The following MYBPC2 variants were observed in gnomAD, a reference collection of about 807,000 sequenced individuals.
MYBPC2 encodes the protein myosin-binding protein C, fast-type.
A neutral mutation model predicts 137.0 loss-of-function variants in MYBPC2; 122 were observed. That is an observed-to-expected ratio of 0.89 (90% CI 0.77 to 1.03). MYBPC2 has a LOEUF of 1.03. Among genes scored for constraint, MYBPC2 ranks in the 50% least tolerant of loss-of-function variants. The pLI, the probability that MYBPC2 is intolerant of heterozygous loss-of-function variation, is 0.00. For synonymous variants in MYBPC2, 626 were observed against 612.3 expected (o/e 1.02, Z -0.33); for missense variants, 1,500 against 1,534.4 (o/e 0.98, Z 0.37).
chr19:50,452,152 T>TACCTGTGATGGA, intron 16 of MYBPC2, 149 bp downstream of exon 16: 2 of 906,106 alleles, frequency 2.2e-6, no homozygotes, highest in Non-Finnish European at 3.3e-6. Context: ...TGTTTGTCCA[T>TACCTGTGATGGA]CACAGGTATG....
chr19:50,435,473 T>C lies in MYBPC2; in HGVS notation c.109+223T>C, dbSNP rs1412883499. 6.6e-6 allele frequency among the ~76,000 whole-genome samples: 1 copy of C among 152,184 alleles called. No homozygotes were observed. Among genetic ancestry groups the C allele is most frequent in the African/African-American group, 2.4e-5 (1 of 41,452 alleles). On this transcript the variant is annotated intron_variant, in intron 2 of 27. Coordinates refer to ENST00000357701, the MANE Select transcript of MYBPC2 (RefSeq NM_004533.4). The surrounding 1 kb of genome is among the most constrained non-coding windows in gnomAD (Gnocchi z 4.8). ...CATCGGCTCCGGTCAGCTGGCTGATTGATCACCAGGTCCGGCCCCGGTCTC... is the reference window on the plus strand; with the variant it reads ...CATCGGCTCCGGTCAGCTGGCTGATCGATCACCAGGTCCGGCCCCGGTCTC...
intron 7 of MYBPC2, among the ~76,000 whole-genome samples, chr19:50,438,955 C>T (rs941123343): frequency 1.3e-5 from 2 of 152,114 alleles, no homozygotes; most frequent in African/African-American, 4.8e-5. Context: ...CATCAATCCC[C>T]ATAACTATAT....
At chr19:50,435,000 G>T (rs1167564449) in intron 1 of MYBPC2, among the ~76,000 whole-genome samples, 161 bp from the exon 2 acceptor site, 1 of 135,494 alleles carries the variant, frequency 7.4e-6, no homozygotes, top group Non-Finnish European at 1.5e-5. Flanking sequence ...AGGGAGGAGG[G>T]GCTGGGGGCC....
At position 50,452,196 on chromosome 19, in the gene MYBPC2, T is replaced by C. The variant is rs961253017; in HGVS notation, c.1749+193T>C. On this transcript the variant is annotated intron_variant, in intron 16 of 27. Transcript: ENST00000357701. ...ACATGGTGGATGCTCCATCCATTCATCCATTCACCTTTCAGTTAATTAATC... is the reference window on the plus strand; with the variant it reads ...ACATGGTGGATGCTCCATCCATTCACCCATTCACCTTTCAGTTAATTAATC... Among the ~76,000 whole-genome samples the C allele has an allele frequency of 2.0e-5, 3 of 152,230 alleles. No individual in the cohort carries two copies. In the East Asian group the frequency reaches 5.8e-4, roughly 29 times the overall value.
Position 50,461,778 on chromosome 19 carries a change from C to T in MYBPC2, c.3091+77C>T, listed in dbSNP as rs907880513. The T allele has an allele frequency of 6.9e-6, 11 of 1,595,170 alleles. No individual in the cohort carries two copies. The South Asian group carries it at 1.0e-4, about 15-fold the overall frequency. ...CAGGTCCCACCTGGACTCCTGCCCTCCCCTCCCCACTGGGGTTGACGGCAC... is the reference window on the plus strand; with the variant it reads ...CAGGTCCCACCTGGACTCCTGCCCTTCCCTCCCCACTGGGGTTGACGGCAC... On this transcript the variant is annotated intron_variant, in intron 25 of 27. Coordinates refer to ENST00000357701, the MANE Select transcript of MYBPC2 (RefSeq NM_004533.4).
chr19:50,464,390 T>C lies in MYBPC2; in HGVS notation c.3273T>C (p.Asp1091=), dbSNP rs763326649. 59 of 1,610,982 alleles carry C rather than the reference T, an allele frequency of 3.7e-5. No individual in the cohort carries two copies. The highest frequency in any genetic ancestry group is 4.8e-5 in the Non-Finnish European group (57 of 1,178,838). ...AGAACAAGATGGAAATCCGTGAAGA[T>C]CCCAAGTTCCTGATAACCAATTACC... ...WMKNKMEIRE[D]PKFLITNYQG... Residue 1091 remains aspartate (D), a synonymous_variant, in exon 27 of 28, where the codon GAT becomes GAC. Coordinates refer to ENST00000357701, the MANE Select transcript of MYBPC2 (RefSeq NM_004533.4).
chr19:50,437,105 C>T (rs1047373324), intron 5 of MYBPC2, among the ~76,000 whole-genome samples: 3 of 151,952 alleles, frequency 2.0e-5, no homozygotes, highest in South Asian at 2.1e-4. Context: ...GGAGGTTACA[C>T]GGATTTGAGG....
At chr19:50,442,925 G>A (rs1040468210) in intron 9 of MYBPC2, among the ~76,000 whole-genome samples, 5 of 151,480 alleles carry the variant, frequency 3.3e-5, no homozygotes, top group Non-Finnish European at 7.4e-5. Context: ...TGACAGGAGC[G>A]CCCCAACACA....
chr19:50,461,583 T>C lies in MYBPC2; in HGVS notation c.2973T>C (p.Cys991=). Residue 991 remains cysteine, a synonymous_variant, in exon 25 of 28, where the codon TGT becomes TGC. Coordinates refer to ENST00000357701, the MANE Select transcript of MYBPC2 (RefSeq NM_004533.4). ...ATGAACGTAACAGGCACACTAGCTG[T>C]ACTGTGTCCGACCTTATCGTGGGCA... ...NVYERNRHTS[C]TVSDLIVGNE... The C allele has an allele frequency of 1.9e-6, 3 of 1,613,768 alleles. No individual in the cohort carries two copies. The highest frequency in any genetic ancestry group is 2.2e-5 in the South Asian group (2 of 91,012).
At chr19:50,453,974 C>T in intron 16 of MYBPC2, 46 bp from the exon 17 acceptor site, 1 of 1,544,166 alleles carries the variant, frequency 6.5e-7, no homozygotes, top group Non-Finnish European at 8.7e-7. Flanking sequence ...CCTGGGTTTG[C>T]TTGGGGACAC....
intron 11 of MYBPC2, among the ~76,000 whole-genome samples, chr19:50,444,734 G>T (rs2039787984): frequency 6.6e-6 from 1 of 151,636 alleles, no homozygotes; most frequent in African/African-American, 2.4e-5. Flanking sequence ...CAAAAAATTA[G>T]CCGGGCGTGT....
chr19:50,450,789 C>T (rs1422064417), intron 13 of MYBPC2, 40 bp from the exon 14 acceptor site: 14 of 1,473,240 alleles, frequency 9.5e-6, no homozygotes, highest in Non-Finnish European at 1.3e-5. Flanking sequence ...GGTCCCATTG[C>T]AATCTGGTTC....
Position 50,466,189 on chromosome 19 carries a change from C to T in MYBPC2, c.3416-6C>T. The T allele has an allele frequency of 6.2e-7, 1 of 1,613,864 alleles. No homozygotes were observed. The highest frequency in any genetic ancestry group is 8.5e-7 in the Non-Finnish European group (1 of 1,179,850). On this transcript the variant is annotated splice_region_variant and splice_polypyrimidine_tract_variant and intron_variant, in intron 27 of 27. Coordinates refer to ENST00000357701, the MANE Select transcript of MYBPC2 (RefSeq NM_004533.4). The surrounding 1 kb of genome is among the most constrained non-coding windows in gnomAD (Gnocchi z 4.9). ...CTGGCTCACCCGCTTTCTCGTTTTC[C>T]TGCAGTGCCGCAGTGAGACCTGTCC...
intron 1 of MYBPC2, 117 bp downstream of exon 1, chr19:50,433,089 A>G: frequency 7.6e-7 from 1 of 1,321,252 alleles, no homozygotes; most frequent in Non-Finnish European, 1.0e-6. Context: ...TGTGAGGAGG[A>G]GGCTCCCTTT....
Position 50,465,340 on chromosome 19 carries a change from C to T in MYBPC2, c.3415+808C>T, listed in dbSNP as rs748262541. On this transcript the variant is annotated intron_variant, in intron 27 of 27. Transcript: ENST00000357701. The surrounding 1 kb of genome is among the most constrained non-coding windows in gnomAD (Gnocchi z 4.5). Reference sequence around the variant, plus strand: ...CCCTCTTCCTGGAACACAATTCCCCCGCTCCTTTACCCTGGGCTCCGGCCC... The same window carrying T: ...CCCTCTTCCTGGAACACAATTCCCCTGCTCCTTTACCCTGGGCTCCGGCCC... Among the ~76,000 whole-genome samples the T allele has an allele frequency of 2.4e-4, 37 of 152,208 alleles. No individual in the cohort carries two copies. The highest frequency in any genetic ancestry group is 8.5e-4 in the Admixed American group (13 of 15,276).
chr19:50,442,812 T>C (rs2039768445), intron 9 of MYBPC2, among the ~76,000 whole-genome samples: 1 of 151,876 alleles, frequency 6.6e-6, no homozygotes, highest in Non-Finnish European at 1.5e-5. Flanking sequence ...AGTTTCGCTC[T>C]TGTTGCCCAG....
At chr19:50,452,508 G>GTATGTATGTATGTATCTATCTATC (rs1433850781) in intron 16 of MYBPC2, among the ~76,000 whole-genome samples, 4 of 114,650 alleles carry the variant, frequency 3.5e-5, no homozygotes, top group African/African-American at 1.2e-4. Flanking sequence ...ATGTATGTAT[G>GTATGTATGTATGTATCTATCTATC]TATCTATCTA....
intron 13 of MYBPC2, among the ~76,000 whole-genome samples, chr19:50,448,690 C>T (rs545489815): frequency 6.6e-6 from 1 of 151,790 alleles, no homozygotes; most frequent in African/African-American, 2.4e-5. Flanking sequence ...GAACTCCTGA[C>T]CTCAAGTGAT....
intron 9 of MYBPC2, 139 bp downstream of exon 9, chr19:50,442,452 C>T (rs560785382): frequency 3.4e-5 from 43 of 1,259,850 alleles, no homozygotes; most frequent in Admixed American, 1.7e-4. Flanking sequence ...CAGTGGCTCA[C>T]GCCTGTAATC....
Sources: allele counts gnomAD v4.1 joint callset (sites outside exome capture counted in the v4.1 genomes callset), GRCh38; gene constraint gnomAD v4.1.1; non-coding constraint Gnocchi (gnomAD v3.1); transcripts MANE v1.5; gene names NCBI Gene and HGNC (gene_info 2026-07-23, HGNC 2026-07-21).